Variants in RABGAP1L observed in about 807,000 individuals in gnomAD.
The protein encoded by RABGAP1L is RAB GTPase activating protein 1 like, also known as rab GTPase-activating protein 1-like.
RABGAP1L carries 63 observed loss-of-function variants against 137.7 expected under a neutral mutation model. The observed-to-expected ratio is 0.46, with a 90% CI of 0.37 to 0.56. RABGAP1L has a LOEUF of 0.56. RABGAP1L is among the 20% of genes least tolerant of loss of function. RABGAP1L has a pLI of 0.00. For synonymous variants in RABGAP1L, 431 were observed against 433.7 expected (o/e 0.99, Z 0.08); for missense variants, 1,095 against 1,244.0 (o/e 0.88, Z 1.80).
chr1:174,946,239 A>C (rs1014821796), intron 19 of RABGAP1L, among the ~76,000 whole-genome samples: 1 of 152,188 alleles, frequency 6.6e-6, no homozygotes, highest in Non-Finnish European at 1.5e-5. Flanking sequence ...GAGGCTTATC[A>C]AAGGTCCTAG....
intron 13 of RABGAP1L, among the ~76,000 whole-genome samples, chr1:174,529,009 A>ATC (rs1664163396): frequency 7.0e-6 from 1 of 143,330 alleles, no homozygotes; most frequent in Non-Finnish European, 1.5e-5. Flanking sequence ...TTTTTTAATG[A>ATC]TATCTATCTC....
At chr1:174,390,647 G>A (rs764513361) in intron 12 of RABGAP1L, among the ~76,000 whole-genome samples, 90 of 152,158 alleles carry the variant, frequency 5.9e-4, no homozygotes, top group Non-Finnish European at 1.0e-3. Flanking sequence ...GCAGAAGTCT[G>A]GGGAGGATAA....
intron 18 of RABGAP1L, among the ~76,000 whole-genome samples, chr1:174,805,772 G>A (rs553277187): frequency 7.2e-4 from 109 of 152,330 alleles, no homozygotes; most frequent in Admixed American, 1.9e-3. Flanking sequence ...AAAGTGCTGG[G>A]ATTACAGGTG....
chr1:174,463,073 A>T (rs535713825), intron 13 of RABGAP1L, among the ~76,000 whole-genome samples: 7 of 152,308 alleles, frequency 4.6e-5, no homozygotes, highest in African/African-American at 7.2e-5. Context: ...GGGACTGTAA[A>T]CTAGTTCAAC....
chr1:174,702,341 G>A (rs1030129016), intron 17 of RABGAP1L, 85 bp downstream of exon 17: 46 of 1,248,856 alleles, frequency 3.7e-5, no homozygotes, highest in Non-Finnish European at 4.6e-5. Context: ...TTTTGTTTTT[G>A]CCTGTGACAT....
In RABGAP1L at chr1:174,688,985, G is replaced by T. The variant is rs559711046; in HGVS notation, c.1899+5389G>T. ...AAGTTACGAAAGTGATTTCTCTAGG[G>T]AGAAACTGGGAATCATGACTGAAAA... On this transcript the variant is annotated intron_variant, in intron 15 of 25. Transcript: ENST00000681986. 9.2e-5 allele frequency among the ~76,000 whole-genome samples: 14 copies of T among 152,178 alleles called. No individual in the cohort carries two copies. In the South Asian group the frequency reaches 2.9e-3, roughly 32 times the overall value.
intron 19 of RABGAP1L, among the ~76,000 whole-genome samples, chr1:174,899,473 AC>A (rs1254834228): frequency 1.3e-5 from 2 of 152,206 alleles, no homozygotes; most frequent in African/African-American, 4.8e-5. Flanking sequence ...AATTATTTAA[AC>A]TTGGGCAATT....
intron 13 of RABGAP1L, among the ~76,000 whole-genome samples, chr1:174,469,522 G>A (rs1657666796): frequency 6.6e-6 from 1 of 152,106 alleles, no homozygotes; most frequent in African/African-American, 2.4e-5. Context: ...CTGAATTTGT[G>A]ACAAGCTCTG....
rs118086920 is a variant in RABGAP1L at position 174,414,995 on chromosome 1, G to A, written c.1710+20850G>A. Among the ~76,000 whole-genome samples, 296 of 152,038 alleles carry A rather than the reference G, an allele frequency of 1.9e-3. 8 individuals are homozygous for A. The East Asian group carries it at 0.051, about 26-fold the overall frequency. ...GGCCTTGGAAAAATTCAGTTCCTCT[G>A]TGAAATTTCTTGAGCTTCTTCAAAA... On this transcript the variant is annotated intron_variant, in intron 13 of 25. Transcript: ENST00000681986.
chr1:174,796,017 A>G (rs1371631587), intron 18 of RABGAP1L, among the ~76,000 whole-genome samples: 1 of 152,228 alleles, frequency 6.6e-6, no homozygotes, highest in East Asian at 1.9e-4. Context: ...GCAGGGCCCC[A>G]GGCAGAGAAC....
intron 19 of RABGAP1L, among the ~76,000 whole-genome samples, chr1:174,869,739 A>T (rs996908539): frequency 1.2e-4 from 18 of 152,274 alleles, no homozygotes; most frequent in Admixed American, 1.2e-3. Context: ...GGGATCTTTG[A>T]CTGGTGATTA....
intron 1 of RABGAP1L, among the ~76,000 whole-genome samples, chr1:174,214,631 C>G (rs997382715): frequency 1.1e-4 from 16 of 152,206 alleles, no homozygotes; most frequent in African/African-American, 3.4e-4. Context: ...CCAGTACTAG[C>G]AAGAAACACA....
At chr1:174,576,616 G>T (rs769859920) in intron 13 of RABGAP1L, among the ~76,000 whole-genome samples, 9 of 151,916 alleles carry the variant, frequency 5.9e-5, no homozygotes, top group African/African-American at 2.2e-4. Flanking sequence ...AGTTTCAGGG[G>T]GTCTCCCTAC....
intron 19 of RABGAP1L, among the ~76,000 whole-genome samples, chr1:174,903,660 A>G (rs1658507743): frequency 9.7e-6 from 1 of 103,468 alleles, no homozygotes; most frequent in African/African-American, 3.9e-5. Flanking sequence ...AGTGGATAAA[A>G]AAATTTCATG....
Position 174,632,914 on chromosome 1 carries a change from G to A in RABGAP1L, c.1711-4461G>A, listed in dbSNP as rs561149498. On this transcript the variant is annotated intron_variant, in intron 13 of 25. Coordinates refer to ENST00000681986, the MANE Select transcript of RABGAP1L (RefSeq NM_001366446.1). ...AGCTCGTCAAAATCATTCTCCATCC[G>A]GCTTTGTTCCGTTGCTGGTGAGGAA... 1.3e-3 allele frequency among the ~76,000 whole-genome samples: 192 copies of A among 151,944 alleles called. 1 individual carries two copies. The highest frequency in any genetic ancestry group is 3.6e-3 in the African/African-American group (148 of 41,402).
At chr1:174,351,512 G>A (rs1314207831) in intron 11 of RABGAP1L, among the ~76,000 whole-genome samples, 2 of 151,974 alleles carry the variant, frequency 1.3e-5, no homozygotes, top group Non-Finnish European at 2.9e-5. Context: ...GTCCTGTAAG[G>A]TTTCCACTGA....
intron 13 of RABGAP1L, among the ~76,000 whole-genome samples, chr1:174,491,130 G>C (rs892753211): frequency 1.3e-5 from 2 of 151,744 alleles, no homozygotes; most frequent in African/African-American, 2.4e-5. Flanking sequence ...TGCTTTCTTC[G>C]AGTAGATGGA....
At chr1:174,316,509 G>T (rs112326236) in intron 11 of RABGAP1L, among the ~76,000 whole-genome samples, 31 of 152,198 alleles carry the variant, frequency 2.0e-4, no homozygotes, top group Non-Finnish European at 4.1e-4. Flanking sequence ...TGCCTTGATG[G>T]TCTTGGATAA....
rs73026420 is a variant in RABGAP1L, at chr1:174,637,555, G to A, written c.1824+67G>A. The A allele has an allele frequency of 1.1e-3, 1,349 of 1,184,972 alleles. 17 individuals carry two copies. The African/African-American group carries it at 0.018, about 16-fold the overall frequency. The allele number at this position is 1,184,972 out of a possible 1,614,324, so 73.4% of individuals were successfully genotyped here. A position where few individuals can be genotyped will look rare whatever the true frequency, so the allele number is the denominator to read the frequency against. ...GCTATATTTTAGAAACCCATTTAAG[G>A]ATTTTTTTACTCTGTCTTCATTTCT... is the stretch of plus-strand genomic sequence containing the variant. On this transcript the variant is annotated intron_variant, in intron 14 of 25. Transcript: ENST00000681986.
Sources: allele counts gnomAD v4.1 joint callset (sites outside exome capture counted in the v4.1 genomes callset), GRCh38; gene constraint gnomAD v4.1.1; transcripts MANE v1.5; gene names NCBI Gene and HGNC (gene_info 2026-07-23, HGNC 2026-07-21).